FDFT1: variants seen among roughly 807,000 people sequenced by gnomAD.
FDFT1 encodes the protein farnesyl-diphosphate farnesyltransferase 1.
Under a neutral mutation model 46.8 loss-of-function variants are expected in FDFT1, and 68 were observed. That is an observed-to-expected ratio of 1.45 (90% CI 1.19 to 1.78). The LOEUF is 1.78. Among genes scored for constraint, FDFT1 ranks in the 40% most tolerant of loss-of-function variants. The pLI is 0.00. For missense variants in FDFT1, 928 were observed against 524.4 expected, an observed-to-expected ratio of 1.77 and a Z score of -7.52; for synonymous variants, 351 against 185.1, an observed-to-expected ratio of 1.90 and a Z score of -7.28.
At chr8:11,835,886 C>T (rs1811465492) in intron 7 of FDFT1, among the ~76,000 whole-genome samples, 2 of 141,336 alleles carry the variant, frequency 1.4e-5, no homozygotes, top group Non-Finnish European at 3.0e-5. Context: ...CTAATCTCAG[C>T]ACTTTGGGAG....
chr8:11,837,765 G>A (rs534100286), intron 7 of FDFT1, among the ~76,000 whole-genome samples: 3 of 151,892 alleles, frequency 2.0e-5, no homozygotes, highest in South Asian at 2.1e-4. Flanking sequence ...GACTCACGTT[G>A]GAGACTGAGA....
chr8:11,805,505 T>G (rs559718162), intron 1 of FDFT1, among the ~76,000 whole-genome samples: 1 of 152,346 alleles, frequency 6.6e-6, no homozygotes, highest in East Asian at 1.9e-4. Context: ...AGTCTGTTAT[T>G]AAGTCCGATT....
intron 4 of FDFT1, among the ~76,000 whole-genome samples, chr8:11,822,504 GA>G (rs1280352577): frequency 2.0e-5 from 3 of 152,178 alleles, no homozygotes; most frequent in Non-Finnish European, 4.4e-5. Flanking sequence ...ATGACTGCTA[GA>G]AATCAATTTC....
intron 3 of FDFT1, among the ~76,000 whole-genome samples, chr8:11,812,614 G>T (rs1016323243): frequency 6.6e-6 from 1 of 152,174 alleles, no homozygotes; most frequent in Non-Finnish European, 1.5e-5. Flanking sequence ...AGTGCAGGAG[G>T]ATACAATATA....
At chr8:11,827,100 A>T (rs957367622) in intron 5 of FDFT1, among the ~76,000 whole-genome samples, 1 of 152,190 alleles carries the variant, frequency 6.6e-6, no homozygotes, top group African/African-American at 2.4e-5. Flanking sequence ...AAATTTTATG[A>T]CTGTTCCCTG....
At chr8:11,819,943 T>C (rs1471573380) in intron 3 of FDFT1, among the ~76,000 whole-genome samples, 1 of 152,206 alleles carries the variant, frequency 6.6e-6, no homozygotes, top group East Asian at 1.9e-4. Flanking sequence ...TTTTGGAATT[T>C]TCAGCCTTTC....
intron 3 of FDFT1, among the ~76,000 whole-genome samples, chr8:11,820,140 A>G (rs981911542): frequency 1.3e-5 from 2 of 152,146 alleles, no homozygotes; most frequent in Non-Finnish European, 2.9e-5. Context: ...GGTCCACTCT[A>G]GACCCTGTTT....
intron 3 of FDFT1, among the ~76,000 whole-genome samples, chr8:11,818,308 G>A (rs1038416985): frequency 3.9e-5 from 6 of 152,206 alleles, no homozygotes; most frequent in Admixed American, 2.0e-4. Flanking sequence ...GAATAAGTGC[G>A]ATGTGGTGCT....
rs779979019 is a variant in FDFT1, at chr8:11,831,468, A to G, written c.880-50A>G. The G allele has an allele frequency of 1.3e-5, 20 of 1,536,790 alleles. No individual in the cohort carries two copies. In the South Asian group the frequency reaches 2.3e-4, roughly 17 times the overall value. On this transcript the variant is annotated intron_variant, in intron 6 of 7. Coordinates refer to ENST00000220584, the MANE Select transcript of FDFT1 (RefSeq NM_004462.5). ...TTTCTTACCTTTTTGTGATAATGAT[A>G]GCTAACGACATCATTTCTTCTTTTT...
At chr8:11,802,191 C>G (rs1806193487), upstream of FDFT1, 1 of 437,560 alleles carries the variant, frequency 2.3e-6, no homozygotes, top group Admixed American at 2.5e-5. Context: ...GCGAGCTGGG[C>G]TGTGCTCGGG....
intron 1 of FDFT1, chr8:11,808,554 C>T (rs1204973058): frequency 2.2e-6 from 3 of 1,366,194 alleles, no homozygotes; most frequent in East Asian, 5.9e-5. Flanking sequence ...GGCCATGGCC[C>T]TCTTCAAGCG....
chr8:11,830,393 T>C lies in FDFT1; in HGVS notation c.852T>C (p.Ser284=), dbSNP rs367718004. The change falls in exon 6 of 8, where the codon AGT becomes AGC. Residue 284 remains serine (S), a synonymous_variant. Coordinates refer to ENST00000220584, the MANE Select transcript of FDFT1 (RefSeq NM_004462.5). ...ACCTTTCGAGACTCAGAAACCAGAGTGTGTTTAACTTCTGTGCTATTCCAC... is the reference window on the plus strand; with the variant it reads ...ACCTTTCGAGACTCAGAAACCAGAGCGTGTTTAACTTCTGTGCTATTCCAC... ...ITYLSRLRNQ[S]VFNFCAIPQV... The C allele has an allele frequency of 1.6e-5, 26 of 1,613,378 alleles. No homozygotes were observed. Among genetic ancestry groups the C allele is most frequent in the Admixed American group, 3.3e-5 (2 of 59,972 alleles).
rs1308652293 is a variant in FDFT1, at chr8:11,809,695, C to T, written c.226C>T (p.Leu76Phe). 1.2e-6 allele frequency: 2 copies of T among 1,613,350 alleles called. No homozygotes were observed. The highest frequency in any genetic ancestry group is 2.2e-5 in the East Asian group (1 of 44,852). The change falls in exon 3 of 8, where the codon CTC (leucine) becomes TTC (phenylalanine). Residue 76 changes from leucine (L) to phenylalanine (F), a missense_variant. Coordinates refer to ENST00000220584, the MANE Select transcript of FDFT1 (RefSeq NM_004462.5). The stretch of plus-strand genomic sequence containing the variant: ...CGCAGTGTGCATATTTTATCTGGTT[C>T]TCCGAGCTCTGGACACACTGGAAGA... ...RNAVCIFYLV[L>F]RALDTLEDDM...
upstream of FDFT1, among the ~76,000 whole-genome samples, chr8:11,798,558 A>C (rs1411128104): frequency 1.3e-5 from 2 of 152,232 alleles, no homozygotes; most frequent in Non-Finnish European, 2.9e-5. Flanking sequence ...TAAGGAGAGA[A>C]AGGGCGTTAT....
chr8:11,837,001 C>A (rs886146732), intron 7 of FDFT1, among the ~76,000 whole-genome samples: 1 of 152,206 alleles, frequency 6.6e-6, no homozygotes, highest in Admixed American at 6.5e-5. Flanking sequence ...TCCATTTCCA[C>A]GTAAGTGGAA....
intron 3 of FDFT1, among the ~76,000 whole-genome samples, chr8:11,819,612 A>G (rs1563319129): frequency 6.6e-6 from 1 of 151,970 alleles, no homozygotes; most frequent in East Asian, 1.9e-4. Context: ...GATCACTGAT[A>G]TCCTTTCTTC....
At chr8:11,823,520 C>A (rs527551247) in intron 4 of FDFT1, among the ~76,000 whole-genome samples, 1 of 152,156 alleles carries the variant, frequency 6.6e-6, no homozygotes, top group Admixed American at 6.5e-5. Context: ...GCTTTCTCTT[C>A]ACCTGTGCAT....
chr8:11,817,782 T>G (rs909726223), intron 3 of FDFT1, among the ~76,000 whole-genome samples: 30 of 152,022 alleles, frequency 2.0e-4, no homozygotes, highest in African/African-American at 5.1e-4. Flanking sequence ...GTCTATCAAT[T>G]TTGTTGATCT....
At chr8:11,806,668 TAAA>T (rs1471481708) in intron 1 of FDFT1, among the ~76,000 whole-genome samples, 1 of 152,160 alleles carries the variant, frequency 6.6e-6, no homozygotes, top group Admixed American at 6.5e-5. Context: ...GCAGTGCAGT[TAAA>T]AACACTTCCT....
Sources: gnomAD v4.1 joint callset for allele counts (sites outside exome capture counted in the v4.1 genomes callset) on GRCh38, gnomAD v4.1.1 for gene constraint, MANE v1.5 for transcripts, NCBI Gene and HGNC (gene_info 2026-07-23, HGNC 2026-07-21) for gene names.